The following WWC1 variants were observed in gnomAD, a reference collection of about 807,000 sequenced individuals.
WWC1 encodes protein KIBRA.
In WWC1, 55 loss-of-function variants were observed where a neutral mutation model predicts 138.4. That is an observed-to-expected ratio of 0.40 (90% CI 0.32 to 0.50). The LOEUF (loss-of-function observed/expected upper bound fraction) is 0.50. Among genes scored for constraint, WWC1 ranks in the 20% least tolerant of loss-of-function variants. The pLI, the probability that WWC1 is intolerant of heterozygous loss-of-function variation, is 0.72. For missense variants in WWC1, 1,226 were observed against 1,420.4 expected (o/e 0.86, Z 2.20); for synonymous variants, 524 against 564.9 (o/e 0.93, Z 1.03).
intron 19 of WWC1, among the ~76,000 whole-genome samples, chr5:168,459,404 T>G (rs1756611755): frequency 6.6e-6 from 1 of 152,166 alleles, no homozygotes; most frequent in Non-Finnish European, 1.5e-5. Flanking sequence ...ACTTACAGGC[T>G]GGAGCCAGGA....
intron 1 of WWC1, among the ~76,000 whole-genome samples, chr5:168,362,408 G>A (rs908116688): frequency 1.3e-5 from 2 of 152,200 alleles, no homozygotes; most frequent in Non-Finnish European, 2.9e-5. Flanking sequence ...AAATGACAGA[G>A]CCTGGATTCA....
intron 16 of WWC1, 76 bp from the exon 17 acceptor site, chr5:168,444,418 T>C (rs577229405): frequency 1.4e-6 from 2 of 1,417,700 alleles, no homozygotes; most frequent in Admixed American, 2.0e-5. Context: ...GTCACAGCTC[T>C]GAGATGCTCT....
In WWC1 at chr5:168,403,078, CT is replaced by C. The variant is rs753687432; in HGVS notation, c.591-3116del. On this transcript the variant is annotated intron_variant, in intron 5 of 22. Transcript: ENST00000265293. ...TCTTTCTTTCTTTCTTTCTTTCTTT[CT>C]TTTCTTTCTTTTCTTTCTTTCTTTC... 7.9e-3 allele frequency among the ~76,000 whole-genome samples: 556 copies of C among 70,294 alleles called. 1 individual carries two copies. The highest frequency in any genetic ancestry group is 0.018 in the South Asian group (40 of 2,232). The allele number at this position is 70,294 out of a possible 152,430, so 46.1% of individuals were successfully genotyped here.
intron 7 of WWC1, among the ~76,000 whole-genome samples, chr5:168,409,482 G>A (rs1026058690): frequency 2.0e-5 from 3 of 152,162 alleles, no homozygotes; most frequent in African/African-American, 7.2e-5. Flanking sequence ...TGAGTGCAGG[G>A]GTCTTCTCCC....
rs6875837 is a variant in WWC1, at chr5:168,357,721, C to G, written c.120-13703C>G. Among the ~76,000 whole-genome samples, 763 of 152,268 alleles carry G rather than the reference C, an allele frequency of 5.0e-3. 3 individuals carry two copies. The highest frequency in any genetic ancestry group is 0.017 in the African/African-American group (727 of 41,550). ...TCACTGCTGACTTTATTCCAGCCGC[C>G]TTCAGCTCAGAACACTTCGGTGTTT... On this transcript the variant is annotated intron_variant, in intron 1 of 22. Transcript: ENST00000265293.
chr5:168,374,530 G>C (rs1371584226), intron 2 of WWC1, among the ~76,000 whole-genome samples: 1 of 152,164 alleles, frequency 6.6e-6, no homozygotes, highest in South Asian at 2.1e-4. Context: ...GGATAGCAAA[G>C]AGGCAAGTGT....
chr5:168,329,764 G>C (rs1040232083), intron 1 of WWC1, among the ~76,000 whole-genome samples: 1 of 152,086 alleles, frequency 6.6e-6, no homozygotes, highest in East Asian at 1.9e-4. Flanking sequence ...TAATTCAAAG[G>C]GTAGAAAGAT....
intron 1 of WWC1, among the ~76,000 whole-genome samples, chr5:168,357,031 T>C (rs1775478327): frequency 1.3e-5 from 2 of 152,048 alleles, no homozygotes; most frequent in Non-Finnish European, 2.9e-5. Context: ...TATTTGAGTA[T>C]CAAATAAGGT....
At position 168,463,788 on chromosome 5, in the gene WWC1, G is replaced by T. The variant is rs75351569; in HGVS notation, c.2917-941G>T. Among the ~76,000 whole-genome samples, 505 of 152,290 alleles carry T rather than the reference G, an allele frequency of 3.3e-3. 3 individuals are homozygous for T. Among genetic ancestry groups the T allele is most frequent in the African/African-American group, 0.012 (491 of 41,558 alleles). On this transcript the variant is annotated intron_variant, in intron 20 of 22. Coordinates refer to ENST00000265293, the MANE Select transcript of WWC1 (RefSeq NM_015238.3). The stretch of plus-strand genomic sequence containing the variant: ...GTTGGACTACCTTCAGGCATGGCTT[G>T]ATCCAGAGGTTGAAATGATGTCATC...
intron 17 of WWC1, among the ~76,000 whole-genome samples, chr5:168,447,570 A>G (rs1305192567): frequency 6.6e-6 from 1 of 152,170 alleles, no homozygotes; most frequent in Non-Finnish European, 1.5e-5. Context: ...TTAAAATATA[A>G]AAACCATTCA....
At position 168,423,628 on chromosome 5, in the gene WWC1, C is replaced by G; in HGVS notation, c.1370C>G (p.Ser457Cys). The change falls in exon 11 of 23, where the codon TCC becomes TGC. Residue 457 changes from serine to cysteine, a missense_variant. By Grantham distance (112) the Ser-to-Cys change is moderately radical. This residue lies in a region of WWC1 where 1,016 missense variants were observed against 1,153.9 expected (regional missense o/e 0.88). Transcript: ENST00000265293. ...CTGGTTGCATCCAGCCTGGACTCCTCCACTTCAGCCAGCTTCACTGACCTC... is the reference window on the plus strand; with the variant it reads ...CTGGTTGCATCCAGCCTGGACTCCTGCACTTCAGCCAGCTTCACTGACCTC... Reference protein sequence around the residue: ...GSLVASSLDSSTSASFTDLYY... With the variant: ...GSLVASSLDSCTSASFTDLYY... 1 of 1,614,150 alleles carries G rather than the reference C, an allele frequency of 6.2e-7. No homozygotes were observed. Among genetic ancestry groups the G allele is most frequent in the Non-Finnish European group, 8.5e-7 (1 of 1,180,014 alleles).
chr5:168,469,099 T>G lies in WWC1; in HGVS notation c.*82T>G. 6.4e-7 allele frequency: 1 copy of G among 1,552,266 alleles called. No homozygotes were observed. ...CTAAAGTTATTTATGTGGTGTTATATGAAGGTACTGAGTCACAAGTCCTCT... is the reference window on the plus strand; with the variant it reads ...CTAAAGTTATTTATGTGGTGTTATAGGAAGGTACTGAGTCACAAGTCCTCT... On this transcript the variant is annotated 3_prime_UTR_variant, in exon 23 of 23. Transcript: ENST00000265293.
At chr5:168,360,748 G>A (rs775538125) in intron 1 of WWC1, among the ~76,000 whole-genome samples, 31 of 152,224 alleles carry the variant, frequency 2.0e-4, no homozygotes, top group Non-Finnish European at 4.0e-4. Context: ...CTTGGGAGGG[G>A]CCCCAAGTCA....
intron 1 of WWC1, among the ~76,000 whole-genome samples, chr5:168,295,340 A>G (rs1264365875): frequency 6.6e-6 from 1 of 152,144 alleles, no homozygotes; most frequent in African/African-American, 2.4e-5. Context: ...GAGAAAAAGG[A>G]AGAAGAAATT....
At chr5:168,353,832 G>T (rs1775184674) in intron 1 of WWC1, among the ~76,000 whole-genome samples, 1 of 152,162 alleles carries the variant, frequency 6.6e-6, no homozygotes, top group African/African-American at 2.4e-5. Flanking sequence ...AGCATGCACG[G>T]ATTTCACCTT....
chr5:168,337,386 T>C (rs2152773127), intron 1 of WWC1, among the ~76,000 whole-genome samples: 1 of 151,994 alleles, frequency 6.6e-6, no homozygotes, highest in Non-Finnish European at 1.5e-5. Context: ...CCTACACCCC[T>C]CCCCCCAGAA....
chr5:168,336,154 A>T (rs1307564445), intron 1 of WWC1, among the ~76,000 whole-genome samples: 2 of 152,172 alleles, frequency 1.3e-5, no homozygotes, highest in Admixed American at 1.3e-4. Flanking sequence ...TGTGGGCCCC[A>T]CAAAACCCAA....
chr5:168,393,309 AAG>A (rs1582138742), intron 3 of WWC1, among the ~76,000 whole-genome samples: 1 of 152,170 alleles, frequency 6.6e-6, no homozygotes, highest in African/African-American at 2.4e-5. Context: ...AGCTCACACC[AAG>A]ATATCTCACT....
At chr5:168,385,713 G>A (rs552259745) in intron 3 of WWC1, among the ~76,000 whole-genome samples, 166 of 152,272 alleles carry the variant, frequency 1.1e-3, no homozygotes, top group Admixed American at 5.1e-3. Flanking sequence ...CTTAGTTAAC[G>A]AGTACAGAGT....
Sources: allele counts gnomAD v4.1 joint callset (sites outside exome capture counted in the v4.1 genomes callset), GRCh38; gene constraint gnomAD v4.1.1; regional missense constraint gnomAD v4.1.1; transcripts MANE v1.5; gene names NCBI Gene and HGNC (gene_info 2026-07-23, HGNC 2026-07-21).